KALRN: variants seen among roughly 807,000 people sequenced by gnomAD.
The protein encoded by KALRN is kalirin.
KALRN carries 70 observed loss-of-function variants against 353.7 expected under a neutral mutation model. The ratio of observed to expected loss-of-function variants is 0.20; its 90% confidence interval spans 0.16 to 0.24. KALRN has a LOEUF of 0.24. KALRN is among the 10% of genes least tolerant of loss of function. The probability of loss-of-function intolerance (pLI) is 1.00; values close to 1 mark genes in which losing one functional copy is unlikely to be tolerated. For missense variants in KALRN, 2,791 were observed against 3,756.7 expected (o/e 0.74, Z 6.72); for synonymous variants, 1,391 against 1,434.8 (o/e 0.97, Z 0.69).
chr3:124,396,468 G>A (rs1013481242), intron 12 of KALRN, among the ~76,000 whole-genome samples: 1 of 151,950 alleles, frequency 6.6e-6, no homozygotes, highest in African/African-American at 2.4e-5. Context: ...TGACAGCTTT[G>A]TGTGCCTCCC....
intron 28 of KALRN, among the ~76,000 whole-genome samples, chr3:124,487,022 C>T (rs1031619122): frequency 6.6e-6 from 1 of 152,158 alleles, no homozygotes; most frequent in Non-Finnish European, 1.5e-5. Flanking sequence ...AGAGGTCTGT[C>T]ATTAACGTGT....
intron 13 of KALRN, among the ~76,000 whole-genome samples, chr3:124,406,125 A>T (rs955707785): frequency 2.0e-5 from 3 of 152,204 alleles, no homozygotes; most frequent in Non-Finnish European, 4.4e-5. Flanking sequence ...TTAAAAACTG[A>T]CTGGATTTCA....
intron 1 of KALRN, among the ~76,000 whole-genome samples, chr3:124,119,710 T>C (rs1436454063): frequency 1.3e-5 from 2 of 152,210 alleles, no homozygotes; most frequent in Non-Finnish European, 2.9e-5. Flanking sequence ...TGTTGTCTAA[T>C]TTTTTGTTAT....
intron 33 of KALRN, among the ~76,000 whole-genome samples, chr3:124,499,840 A>G (rs998280737): frequency 6.6e-6 from 1 of 152,200 alleles, no homozygotes; most frequent in Non-Finnish European, 1.5e-5. Context: ...TGCTTGTCAC[A>G]TCTTTTCTCC....
At position 124,123,199 on chromosome 3, in the gene KALRN, C is replaced by CA. The variant is rs4048341; in HGVS notation, c.73+89397dup. 1.3e-4 allele frequency among the ~76,000 whole-genome samples: 18 copies of CA among 143,628 alleles called. 1 individual carries two copies. The highest frequency in any genetic ancestry group is 1.2e-4 in the Non-Finnish European group (8 of 66,342). 94.2% of individuals were successfully genotyped at this position (143,628 alleles called of 152,430 possible). On this transcript the variant is annotated intron_variant, in intron 1 of 59. Transcript: ENST00000682506. ...TGGACAACAAAGCAAGACTCCATCT[C>CA]AAAAAAAAAAAGGCAAGATAGGCAG...
chr3:124,586,607 T>A (rs576455967), intron 34 of KALRN, among the ~76,000 whole-genome samples: 12 of 152,272 alleles, frequency 7.9e-5, no homozygotes, highest in African/African-American at 2.9e-4. Flanking sequence ...GCTGGCTCCG[T>A]GGCTAGGAGA....
chr3:124,477,100 A>G (rs2061497833), intron 26 of KALRN, 145 bp from the exon 27 acceptor site: 2 of 527,572 alleles, frequency 3.8e-6, no homozygotes, highest in Non-Finnish European at 6.8e-6. Flanking sequence ...TGGGGGCTGG[A>G]TGAGCATAGA....
In KALRN at chr3:124,523,280, A is replaced by C. The variant is rs530745248; in HGVS notation, c.4935+26867A>C. Among the ~76,000 whole-genome samples, 4 of 152,302 alleles carry C rather than the reference A, an allele frequency of 2.6e-5. No homozygotes were observed. In the East Asian group the frequency reaches 7.7e-4, roughly 29 times the overall value. On this transcript the variant is annotated intron_variant, in intron 33 of 59. Transcript: ENST00000682506. The stretch of plus-strand genomic sequence containing the variant: ...TATTCTGGGATCATTAAAATCCAGG[A>C]CATACAGCTGCTCTTGGTCTTTTGC...
At chr3:124,611,254 A>G (rs746197729) in intron 34 of KALRN, among the ~76,000 whole-genome samples, 3 of 152,204 alleles carry the variant, frequency 2.0e-5, no homozygotes, top group East Asian at 1.9e-4. Context: ...GAGAAGTAAC[A>G]TCAGAGATGG....
At chr3:124,642,811 T>TTTTTTGTTGTTGTTG (rs1559750030) in intron 37 of KALRN, among the ~76,000 whole-genome samples, 1 of 138,536 alleles carries the variant, frequency 7.2e-6, no homozygotes, top group Admixed American at 7.5e-5. Context: ...GCCTCGTTTT[T>TTTTTTGTTGTTGTTG]TTTTTTTTTT....
intron 9 of KALRN, among the ~76,000 whole-genome samples, chr3:124,336,769 C>T (rs1334483319): frequency 6.6e-6 from 1 of 152,180 alleles, no homozygotes; most frequent in East Asian, 1.9e-4. Context: ...TTTGTAAATC[C>T]ATGAGCATGA....
intron 1 of KALRN, among the ~76,000 whole-genome samples, chr3:124,155,014 T>A (rs1198853017): frequency 2.0e-5 from 3 of 152,200 alleles, no homozygotes; most frequent in Non-Finnish European, 4.4e-5. Flanking sequence ...GGGGAAAGGA[T>A]TCCCTATTTA....
intron 38 of KALRN, among the ~76,000 whole-genome samples, chr3:124,653,380 A>C (rs1256593243): frequency 6.6e-6 from 1 of 152,232 alleles, no homozygotes; most frequent in Non-Finnish European, 1.5e-5. Context: ...ATGTACCATC[A>C]GTGGGATACA....
chr3:124,163,688 G>T, intron 1 of KALRN: 1 of 985,130 alleles, frequency 1.0e-6, no homozygotes, highest in Non-Finnish European at 1.2e-6. Flanking sequence ...ATTACAACAG[G>T]ACACTGAGCT....
rs1350795350 is a variant in KALRN at position 124,720,834 on chromosome 3, G to C, written c.*1364G>C. The stretch of plus-strand genomic sequence containing the variant: ...TCATGGGTTTTCTTTCTTTATTTTT[G>C]TTCATTTGTTTTGGAGGGAGGGAGC... On this transcript the variant is annotated 3_prime_UTR_variant, in exon 60 of 60. Transcript: ENST00000682506. 6.6e-6 allele frequency: 1 copy of C among 151,928 alleles called. No homozygotes were observed. The highest frequency in any genetic ancestry group is 1.5e-5 in the Non-Finnish European group (1 of 67,946). The allele number at this position is 151,928 out of a possible 1,614,324, so 9.4% of individuals were successfully genotyped here.
chr3:124,382,254 GCTA>G (rs1303939692), intron 10 of KALRN, among the ~76,000 whole-genome samples: 1 of 152,088 alleles, frequency 6.6e-6, no homozygotes, highest in Non-Finnish European at 1.5e-5. Context: ...ATAATAATTA[GCTA>G]CTATTATTCT....
chr3:124,416,053 T>G (rs1325231887), intron 14 of KALRN, among the ~76,000 whole-genome samples: 2 of 152,218 alleles, frequency 1.3e-5, no homozygotes, highest in Non-Finnish European at 2.9e-5. Context: ...TGGTACTTAC[T>G]GTAGCTGTCT....
intron 21 of KALRN, 50 bp downstream of exon 21, chr3:124,446,935 C>A: frequency 6.3e-7 from 1 of 1,592,052 alleles, no homozygotes. Context: ...ACTCTCCATT[C>A]TGGCCAATTT....
chr3:124,690,156 G>A (rs767702933), intron 51 of KALRN, among the ~76,000 whole-genome samples: 25 of 151,822 alleles, frequency 1.6e-4, no homozygotes, highest in Non-Finnish European at 3.4e-4. Context: ...CAATACTAGC[G>A]AACAATATGG....
Sources: allele counts gnomAD v4.1 joint callset (sites outside exome capture counted in the v4.1 genomes callset), GRCh38; gene constraint gnomAD v4.1.1; transcripts MANE v1.5; gene names NCBI Gene and HGNC (gene_info 2026-07-23, HGNC 2026-07-21).